Variants in NUP160 observed in about 807,000 individuals in gnomAD.
NUP160 encodes the protein nuclear pore complex protein Nup160.
A neutral mutation model predicts 196.9 loss-of-function variants in NUP160; 94 were observed. That is an observed-to-expected ratio of 0.48 (90% CI 0.40 to 0.57). The LOEUF is 0.57. Among genes scored for constraint, NUP160 ranks in the 20% least tolerant of loss-of-function variants. NUP160 has a pLI of 0.00. For missense variants in NUP160, 1,638 were observed against 1,748.3 expected, an observed-to-expected ratio of 0.94 and a Z score of 1.13; for synonymous variants, 605 against 619.7, an observed-to-expected ratio of 0.98 and a Z score of 0.35.
chr11:47,779,727 CTT>C, intron 35 of NUP160: 1 of 374,978 alleles, frequency 2.7e-6, no homozygotes, highest in South Asian at 2.1e-5. Flanking sequence ...CACTGTATTT[CTT>C]TCTTTTTCAG....
exon 7 of NUP160, chr11:47,835,689 A>G (rs2034457175): frequency 6.2e-7 from 1 of 1,602,818 alleles, no homozygotes; most frequent in South Asian, 1.1e-5. Context: ...ATCCCCAGGT[A>G]GAGTCCCATG....
At chr11:47,816,097 G>C in intron 11 of NUP160, 68 bp from the exon 12 acceptor site, 1 of 1,055,416 alleles carries the variant, frequency 9.5e-7, no homozygotes, top group Non-Finnish European at 1.5e-6. Flanking sequence ...TTTCAGTTTA[G>C]AAGACATAGA....
At chr11:47,839,289 C>G (rs1040189590) in intron 4 of NUP160, among the ~76,000 whole-genome samples, 1 of 152,066 alleles carries the variant, frequency 6.6e-6, no homozygotes, top group Non-Finnish European at 1.5e-5. Flanking sequence ...CGGGGTTTCT[C>G]CATGTTGGTC....
Position 47,792,806 on chromosome 11 carries a change from G to A in NUP160, c.3430C>T (p.Gln1144Ter), listed in dbSNP as rs2097668604. The change falls in exon 28 of 36, where the codon CAG becomes TAG. Residue 1144 changes from glutamine to a stop codon, truncating the protein, a stop_gained. Transcript: ENST00000378460. LOFTEE classifies it high-confidence loss of function. Reference sequence around the variant, plus strand: ...CATACCACTGCACCAGACACTGGCTGCACAATCCACGCATATTCTGGACGA... The same window carrying A: ...CATACCACTGCACCAGACACTGGCTACACAATCCACGCATATTCTGGACGA... 2 of 1,613,104 alleles carry A rather than the reference G, an allele frequency of 1.2e-6. No homozygotes were observed. The highest frequency in any genetic ancestry group is 1.7e-6 in the Non-Finnish European group (2 of 1,179,728).
rs1004073690 is a variant in NUP160, at chr11:47,816,382, T to C, written c.1432-353A>G. 1.2e-4 allele frequency among the ~76,000 whole-genome samples: 18 copies of C among 152,266 alleles called. No homozygotes were observed. The East Asian group carries it at 3.3e-3, about 28-fold the overall frequency. On this transcript the variant is annotated intron_variant, in intron 11 of 35. Coordinates refer to ENST00000378460, the Ensembl canonical transcript of NUP160. ...ACAAAAGCCTCAGAAGGCATTTCTG[T>C]TTTATGTGGGAGGTCAGTCTAAAAT...
chr11:47,831,894 C>T (rs1852083750), intron 7 of NUP160, among the ~76,000 whole-genome samples: 4 of 69,990 alleles, frequency 5.7e-5, no homozygotes, highest in African/African-American at 2.5e-4. Flanking sequence ...TAATAAATTC[C>T]TTTTTTTTTT....
At chr11:47,822,920 T>C (rs548344548) in intron 7 of NUP160, among the ~76,000 whole-genome samples, 102 of 152,358 alleles carry the variant, frequency 6.7e-4, no homozygotes, top group African/African-American at 9.9e-4. Flanking sequence ...TATGGCTGCA[T>C]AGTATTCCAT....
At chr11:47,830,998 T>C (rs1005172051) in intron 7 of NUP160, among the ~76,000 whole-genome samples, 8 of 152,044 alleles carry the variant, frequency 5.3e-5, no homozygotes, top group Non-Finnish European at 1.2e-4. Context: ...ACCCCGTCTC[T>C]ACAAAAACAC....
chr11:47,818,366 C>T (rs945919116), intron 10 of NUP160, among the ~76,000 whole-genome samples: 1 of 151,950 alleles, frequency 6.6e-6, no homozygotes, highest in Non-Finnish European at 1.5e-5. Context: ...CATTGGGTTC[C>T]GGCAGAAAAC....
rs551454417 is a variant in NUP160, at chr11:47,790,972, T to C, written c.3511+958A>G. Among the ~76,000 whole-genome samples the C allele has an allele frequency of 4.6e-5, 7 of 152,356 alleles. No homozygotes were observed. In the South Asian group the frequency reaches 1.2e-3, roughly 27 times the overall value. ...TCTTTTACCTTCCTTTTGCTTTAAG[T>C]TGTTGTATAATAACCTTTGTTTTGC... On this transcript the variant is annotated intron_variant, in intron 29 of 35. Transcript: ENST00000378460.
At chr11:47,802,614 A>C (rs962999466) in intron 22 of NUP160, among the ~76,000 whole-genome samples, 4 of 152,152 alleles carry the variant, frequency 2.6e-5, no homozygotes, top group African/African-American at 9.7e-5. Flanking sequence ...CATCAGGGAA[A>C]AAATTAAAAC....
intron 7 of NUP160, chr11:47,827,271 G>T: frequency 2.5e-6 from 1 of 396,836 alleles, no homozygotes; most frequent in Non-Finnish European, 5.0e-6. Flanking sequence ...GGCTGAGGTG[G>T]GAGGATCGCT....
chr11:47,802,546 T>C (rs894323628), intron 22 of NUP160, among the ~76,000 whole-genome samples: 5 of 152,226 alleles, frequency 3.3e-5, no homozygotes, highest in African/African-American at 1.2e-4. Flanking sequence ...AGGTATATAC[T>C]GTTCACTGTA....
Position 47,815,646 on chromosome 11 carries a change from G to A in NUP160, c.1519C>T (p.Gln507Ter). 6 of 1,579,650 alleles carry A rather than the reference G, an allele frequency of 3.8e-6. No homozygotes were observed. The highest frequency in any genetic ancestry group is 5.1e-6 in the Non-Finnish European group (6 of 1,169,178). The change falls in exon 13 of 36, where the codon CAA (glutamine) becomes TAA (stop). Residue 507 changes from glutamine to a stop codon, truncating the protein, a stop_gained. Transcript: ENST00000378460. LOFTEE classifies it high-confidence loss of function. ...AATTCATACTCTGTTACACTTCCTT[G>A]AAGCTGGCAAAGAAGAAATGAAAGA...
chr11:47,812,185 T>G, exon 17 of NUP160: 1 of 1,614,148 alleles, frequency 6.2e-7, no homozygotes. Flanking sequence ...GTTACTACCA[T>G]AGAGCTGGGT....
intron 17 of NUP160, among the ~76,000 whole-genome samples, chr11:47,809,570 G>A (rs1265878214): frequency 1.3e-5 from 2 of 151,804 alleles, no homozygotes; most frequent in South Asian, 2.1e-4. Context: ...CCAATATGGC[G>A]AAACCCCATC....
exon 36 of NUP160, chr11:47,778,488 T>G (rs1251202574): frequency 6.6e-6 from 1 of 152,650 alleles, no homozygotes; most frequent in Non-Finnish European, 1.5e-5. Context: ...GCTAAGAATT[T>G]ACTCAACTTT....
chr11:47,784,996 A>G, exon 33 of NUP160: 1 of 1,604,090 alleles, frequency 6.2e-7, no homozygotes, highest in Non-Finnish European at 8.5e-7. Flanking sequence ...CAGTGGTGAT[A>G]CAAGTTATTC....
chr11:47,821,293 A>T (rs939235478), intron 9 of NUP160: 1 of 152,870 alleles, frequency 6.5e-6, no homozygotes, highest in African/African-American at 2.4e-5. Context: ...ACGAAAACCC[A>T]GGGCTGAATT....
Sources: gnomAD v4.1 joint callset for allele counts (sites outside exome capture counted in the v4.1 genomes callset) on GRCh38, gnomAD v4.1.1 for gene constraint, MANE v1.5 for transcripts, NCBI Gene and HGNC (gene_info 2026-07-23, HGNC 2026-07-21) for gene names.